The following CSMD1 variants were observed in gnomAD, a reference collection of about 807,000 sequenced individuals.
The protein encoded by CSMD1 is CUB and Sushi multiple domains 1.
In CSMD1, 213 loss-of-function variants were observed where a neutral mutation model predicts 417.5. That is an observed-to-expected ratio of 0.51 (90% CI 0.46 to 0.57). CSMD1 has a LOEUF of 0.57. CSMD1 is among the 20% of genes least tolerant of loss of function. The pLI is 0.00. For synonymous variants in CSMD1, 2,862 were observed against 1,736.8 expected, an observed-to-expected ratio of 1.65 and a Z score of -16.11; for missense variants, 6,923 against 4,529.7, an observed-to-expected ratio of 1.53 and a Z score of -15.17.
At chr8:4,056,905 T>C (rs967878396) in intron 3 of CSMD1, among the ~76,000 whole-genome samples, 3 of 152,236 alleles carry the variant, frequency 2.0e-5, no homozygotes, top group African/African-American at 7.2e-5. Flanking sequence ...ATAGAGTATA[T>C]GTGCCACACT....
At chr8:4,011,653 C>G (rs904973486) in intron 4 of CSMD1, among the ~76,000 whole-genome samples, 38 of 152,280 alleles carry the variant, frequency 2.5e-4, no homozygotes, top group Middle Eastern at 3.4e-3. Flanking sequence ...TCTTTTCATT[C>G]CTACACTTCC....
intron 5 of CSMD1, among the ~76,000 whole-genome samples, chr8:3,883,658 T>G (rs1165199462): frequency 1.3e-5 from 2 of 152,170 alleles, no homozygotes; most frequent in East Asian, 3.9e-4. Context: ...CTGATATTAT[T>G]AATTTACACT....
chr8:3,654,436 T>A (rs1037211042), intron 7 of CSMD1, among the ~76,000 whole-genome samples: 1 of 152,096 alleles, frequency 6.6e-6, no homozygotes, highest in South Asian at 2.1e-4. Flanking sequence ...CCTGTGCACA[T>A]AGGGAAAAGA....
chr8:3,397,899 G>C (rs1585104447), intron 16 of CSMD1, among the ~76,000 whole-genome samples: 1 of 152,178 alleles, frequency 6.6e-6, no homozygotes, highest in Admixed American at 6.5e-5. Flanking sequence ...CCTTTAAGGT[G>C]TCAGCCCATC....
At chr8:4,328,320 T>A (rs539762626) in intron 3 of CSMD1, among the ~76,000 whole-genome samples, 1 of 151,016 alleles carries the variant, frequency 6.6e-6, no homozygotes, top group African/African-American at 2.4e-5. Context: ...CTCAGTTAAG[T>A]CAACTGTGCG....
At chr8:2,976,758 T>C (rs1418653561) in intron 55 of CSMD1, among the ~76,000 whole-genome samples, 1 of 152,216 alleles carries the variant, frequency 6.6e-6, no homozygotes, top group East Asian at 1.9e-4. Flanking sequence ...TAACACCTTT[T>C]CCTAAATCTT....
intron 11 of CSMD1, among the ~76,000 whole-genome samples, chr8:3,471,548 C>A (rs137962433): frequency 8.7e-4 from 128 of 147,958 alleles, no homozygotes; most frequent in African/African-American, 3.1e-3. Flanking sequence ...TTCATCCCTC[C>A]CTCCTCTCCC....
chr8:4,539,578 G>A (rs759463515), intron 2 of CSMD1, among the ~76,000 whole-genome samples: 1 of 152,144 alleles, frequency 6.6e-6, no homozygotes, highest in Non-Finnish European at 1.5e-5. Flanking sequence ...ATGTTACACT[G>A]GCTTATAATG....
intron 1 of CSMD1, among the ~76,000 whole-genome samples, chr8:4,970,738 T>G (rs1032675463): frequency 2.6e-5 from 4 of 152,158 alleles, no homozygotes; most frequent in African/African-American, 9.6e-5. Context: ...CAAGTGTGCC[T>G]GCCGTGGTTC....
chr8:4,022,619 A>G (rs898763136), intron 4 of CSMD1, among the ~76,000 whole-genome samples: 4 of 152,198 alleles, frequency 2.6e-5, no homozygotes, highest in Admixed American at 1.3e-4. Flanking sequence ...CGACAGTCCT[A>G]GAAACCATTC....
At chr8:4,672,600 T>A (rs1457692016) in intron 1 of CSMD1, among the ~76,000 whole-genome samples, 3 of 152,116 alleles carry the variant, frequency 2.0e-5, no homozygotes, top group Non-Finnish European at 4.4e-5. Flanking sequence ...GTAAATAAAA[T>A]GTGCTACGTA....
At chr8:3,593,563 A>G (rs1027842715) in intron 8 of CSMD1, among the ~76,000 whole-genome samples, 4 of 152,232 alleles carry the variant, frequency 2.6e-5, no homozygotes, top group Admixed American at 1.3e-4. Context: ...AGGGATGTCC[A>G]GATCTGACTT....
intron 49 of CSMD1, among the ~76,000 whole-genome samples, chr8:3,077,390 A>G (rs946283775): frequency 6.6e-6 from 1 of 152,146 alleles, no homozygotes; most frequent in Non-Finnish European, 1.5e-5. Context: ...ACAACAGTGC[A>G]TCAAAGGTGG....
chr8:3,899,548 C>T (rs2954629), intron 5 of CSMD1, among the ~76,000 whole-genome samples: 5,662 of 152,148 alleles, frequency 0.037, 326 homozygotes, highest in African/African-American at 0.12. Flanking sequence ...CATCTAAGGA[C>T]ATTAAAAAGA....
Position 4,369,822 on chromosome 8 carries a change from GTGT to G in CSMD1, c.415+50128_415+50130del, listed in dbSNP as rs1299916237. On this transcript the variant is annotated intron_variant, in intron 3 of 69. Coordinates refer to ENST00000635120, the MANE Select transcript of CSMD1 (RefSeq NM_033225.6). ...CCATCCCTTTACTTCGAGACTATGG[GTGT>G]TGTTACTTGTAAGACGAGTATCTGG... 2.0e-5 allele frequency among the ~76,000 whole-genome samples: 3 copies of G among 152,264 alleles called. No individual in the cohort carries two copies. The East Asian group carries it at 5.8e-4, about 29-fold the overall frequency.
intron 5 of CSMD1, among the ~76,000 whole-genome samples, chr8:3,932,410 T>C (rs1158186852): frequency 1.3e-5 from 2 of 150,494 alleles, no homozygotes; most frequent in South Asian, 2.1e-4. Context: ...GCCATCTGCA[T>C]TGACATTTCT....
chr8:4,298,444 C>T (rs983343987), intron 3 of CSMD1, among the ~76,000 whole-genome samples: 1 of 152,012 alleles, frequency 6.6e-6, no homozygotes, highest in Admixed American at 6.6e-5. Context: ...GTGAATAATT[C>T]CCTATACAGG....
At chr8:3,954,290 G>T (rs2930382) in intron 5 of CSMD1, among the ~76,000 whole-genome samples, 4 of 152,092 alleles carry the variant, frequency 2.6e-5, no homozygotes, top group Admixed American at 2.6e-4. Flanking sequence ...AGGAAGGTGC[G>T]CTTGGGAGAG....
At chr8:4,447,248 T>TTA (rs746618995) in intron 2 of CSMD1, among the ~76,000 whole-genome samples, 1 of 152,210 alleles carries the variant, frequency 6.6e-6, no homozygotes, top group Non-Finnish European at 1.5e-5. Context: ...GATGCTTACG[T>TTA]TATAGCAGGT....
Sources: gnomAD v4.1 joint callset for allele counts (sites outside exome capture counted in the v4.1 genomes callset) on GRCh38, gnomAD v4.1.1 for gene constraint, MANE v1.5 for transcripts, NCBI Gene and HGNC (gene_info 2026-07-23, HGNC 2026-07-21) for gene names.